Variants in COL4A5 observed in about 807,000 individuals in gnomAD.
COL4A5 encodes collagen alpha-5(IV) chain.
Under a neutral mutation model 130.2 loss-of-function variants are expected in COL4A5, and 26 were observed. That is an observed-to-expected ratio of 0.20 (90% CI 0.15 to 0.28). COL4A5 has a LOEUF of 0.28. Ranked by LOEUF, COL4A5 falls within the 10% of genes least tolerant of loss-of-function variation. The pLI, the probability that COL4A5 is intolerant of heterozygous loss-of-function variation, is 1.00. For missense variants in COL4A5, 1,131 were observed against 1,344.3 expected (o/e 0.84, Z 2.48); for synonymous variants, 496 against 439.6 (o/e 1.13, Z -1.60).
At chrX:108,542,267 C>T (rs997207478) in intron 2 of COL4A5, among the ~76,000 whole-genome samples, 4 of 107,595 alleles carry the variant, frequency 3.7e-5, no homozygotes, top group African/African-American at 1.4e-4. Flanking sequence ...CCACCCCCAC[C>T]CCACAACAGG....
intron 1 of COL4A5, among the ~76,000 whole-genome samples, chrX:108,474,302 C>T (rs2064810788): frequency 8.9e-6 from 1 of 111,754 alleles, no homozygotes; most frequent in South Asian, 3.7e-4. Flanking sequence ...TTTTATATTT[C>T]ATATCATATT....
At chrX:108,496,322 T>C (rs1294934906) in intron 1 of COL4A5, among the ~76,000 whole-genome samples, 1 of 112,261 alleles carries the variant, frequency 8.9e-6, no homozygotes, top group Non-Finnish European at 1.9e-5. Flanking sequence ...GACTCATATG[T>C]TAATACTTGG....
At position 108,646,641 on chromosome X, in the gene COL4A5, A is replaced by G. The variant is rs758547524; in HGVS notation, c.3247-8690A>G. On this transcript the variant is annotated intron_variant, in intron 36 of 52. Coordinates refer to ENST00000328300, the MANE Select transcript of COL4A5 (RefSeq NM_033380.3). The stretch of plus-strand genomic sequence containing the variant: ...TGTCATTGCTTTTGGTGTTTTAGAC[A>G]TGAAGTCCTTGCCCATGCCTGTGTC... Among the ~76,000 whole-genome samples, 124 of 112,113 alleles carry G rather than the reference A, an allele frequency of 1.1e-3. 1 individual carries two copies. The highest frequency in any genetic ancestry group is 7.9e-4 in the Non-Finnish European group (42 of 53,252).
intron 8 of COL4A5, among the ~76,000 whole-genome samples, chrX:108,572,382 C>G (rs1265468652): frequency 2.7e-5 from 3 of 111,871 alleles, no homozygotes; most frequent in Non-Finnish European, 5.7e-5. Flanking sequence ...TCTCTGACAT[C>G]TCCACATGTT....
intron 1 of COL4A5, among the ~76,000 whole-genome samples, chrX:108,502,093 CA>C (rs976567158): frequency 1.2e-4 from 13 of 111,938 alleles, no homozygotes; most frequent in African/African-American, 4.2e-4. Flanking sequence ...GGGTAGTCAA[CA>C]TGGTTGAGAG....
At chrX:108,503,614 C>T (rs193109325) in intron 1 of COL4A5, among the ~76,000 whole-genome samples, 33 of 111,957 alleles carry the variant, frequency 2.9e-4, no homozygotes, top group Non-Finnish European at 6.0e-4. Flanking sequence ...TATGCACCAA[C>T]AACAATGAAG....
chrX:108,507,845 T>C (rs1332754663), intron 1 of COL4A5, among the ~76,000 whole-genome samples: 2 of 111,552 alleles, frequency 1.8e-5, no homozygotes, highest in Non-Finnish European at 3.8e-5. Context: ...CATTCCTTCA[T>C]GTTGAAAACT....
At chrX:108,464,819 G>A (rs1197973286) in intron 1 of COL4A5, among the ~76,000 whole-genome samples, 1 of 112,244 alleles carries the variant, frequency 8.9e-6, no homozygotes, top group Non-Finnish European at 1.9e-5. Flanking sequence ...TCAGTGAAGC[G>A]TTCCTCATGG....
intron 1 of COL4A5, among the ~76,000 whole-genome samples, chrX:108,477,714 G>A (rs1293938880): frequency 9.3e-6 from 1 of 107,463 alleles, no homozygotes; most frequent in African/African-American, 3.4e-5. Context: ...TATTTGGAAA[G>A]CTGAGGCAGG....
intron 1 of COL4A5, among the ~76,000 whole-genome samples, chrX:108,501,513 G>A (rs952758557): frequency 8.9e-6 from 1 of 111,765 alleles, no homozygotes; most frequent in African/African-American, 3.3e-5. Flanking sequence ...GTTTGTGAGA[G>A]AGCCTAGGCA....
chrX:108,687,283 G>A (rs192061331), intron 48 of COL4A5, among the ~76,000 whole-genome samples, 199 bp from the exon 49 acceptor site: 118 of 112,000 alleles, frequency 1.1e-3, no homozygotes, highest in African/African-American at 3.4e-3. Flanking sequence ...TACAACAAGA[G>A]ACTAAATAAC....
intron 37 of COL4A5, among the ~76,000 whole-genome samples, chrX:108,659,664 A>G (rs894012513): frequency 1.8e-5 from 2 of 110,279 alleles, no homozygotes; most frequent in Admixed American, 9.7e-5. Context: ...TATTTTCATA[A>G]TACTCTTTTC....
chrX:108,622,833 A>G lies in COL4A5; in HGVS notation c.2917+8A>G. 2 of 1,197,981 alleles carry G rather than the reference A, an allele frequency of 1.7e-6. No homozygotes were observed. Among genetic ancestry groups the G allele is most frequent in the Non-Finnish European group, 2.3e-6 (2 of 888,318 alleles). On this transcript the variant is annotated splice_region_variant and intron_variant, in intron 33 of 52. Coordinates refer to ENST00000328300, the MANE Select transcript of COL4A5 (RefSeq NM_033380.3). Reference sequence around the variant, plus strand: ...GGGAACCTGGCTTACCAGGTGAGTGAATGAATTTATTTATGAATATTTTTC... The same window carrying G: ...GGGAACCTGGCTTACCAGGTGAGTGGATGAATTTATTTATGAATATTTTTC...
chrX:108,619,919 C>T (rs899347860), intron 30 of COL4A5, among the ~76,000 whole-genome samples: 6 of 111,892 alleles, frequency 5.4e-5, no homozygotes, highest in African/African-American at 1.9e-4. Flanking sequence ...ATATAATAAC[C>T]AAAAAGGTAG....
intron 1 of COL4A5, among the ~76,000 whole-genome samples, chrX:108,519,769 A>G (rs1358131042): frequency 9.0e-6 from 1 of 110,976 alleles, no homozygotes; most frequent in Non-Finnish European, 1.9e-5. Context: ...GCTCCATGAT[A>G]TCCACTTTCC....
intron 1 of COL4A5, among the ~76,000 whole-genome samples, chrX:108,475,386 T>TTAC (rs1453104585): frequency 1.8e-5 from 2 of 111,555 alleles, no homozygotes; most frequent in Admixed American, 1.9e-4. Context: ...AGAGACAGTC[T>TTAC]TACTTCTCCC....
At chrX:108,574,258 G>A (rs903792879) in intron 9 of COL4A5, among the ~76,000 whole-genome samples, 1 of 111,518 alleles carries the variant, frequency 9.0e-6, no homozygotes, top group African/African-American at 3.3e-5. Context: ...TTATCACTAA[G>A]ATACAAGATT....
Position 108,566,407 on chromosome X carries a change from T to G in COL4A5, c.277-2222T>G, listed in dbSNP as rs747823724. 1.3e-4 allele frequency among the ~76,000 whole-genome samples: 14 copies of G among 111,259 alleles called. No individual in the cohort carries two copies. In the South Asian group the frequency reaches 5.4e-3, roughly 43 times the overall value. On this transcript the variant is annotated intron_variant, in intron 4 of 52. Transcript: ENST00000328300. ...CCATTGATCTTTCATAACTTCTCCCTTTTTGACACAACAAGCTCTTTCATG... is the reference window on the plus strand; with the variant it reads ...CCATTGATCTTTCATAACTTCTCCCGTTTTGACACAACAAGCTCTTTCATG...
chrX:108,576,715 C>G (rs2147767110), intron 10 of COL4A5, among the ~76,000 whole-genome samples: 1 of 111,833 alleles, frequency 8.9e-6, no homozygotes, highest in South Asian at 3.7e-4. Context: ...TTCATTATAC[C>G]TTTATAGGTT....
Sources: allele counts gnomAD v4.1 joint callset (sites outside exome capture counted in the v4.1 genomes callset), GRCh38; gene constraint gnomAD v4.1.1; transcripts MANE v1.5; gene names NCBI Gene and HGNC (gene_info 2026-07-23, HGNC 2026-07-21).